MIS18BP1: variants seen among roughly 807,000 people sequenced by gnomAD.
The protein encoded by MIS18BP1 is MIS18 binding protein 1.
In MIS18BP1, 72 loss-of-function variants were observed where a neutral mutation model predicts 116.1. The observed-to-expected ratio is 0.62, with a 90% CI of 0.51 to 0.75. MIS18BP1 has a LOEUF of 0.75. MIS18BP1 is among the 30% of genes least tolerant of loss of function. The pLI is 0.00. For missense variants in MIS18BP1, 1,363 were observed against 1,303.2 expected, an observed-to-expected ratio of 1.05 and a Z score of -0.71; for synonymous variants, 386 against 427.0, an observed-to-expected ratio of 0.90 and a Z score of 1.18.
At chr14:45,239,411 AG>A (rs1891515492) in intron 4 of MIS18BP1, among the ~76,000 whole-genome samples, 1 of 152,240 alleles carries the variant, frequency 6.6e-6, no homozygotes, top group African/African-American at 2.4e-5. Flanking sequence ...AACTGAATAA[AG>A]TGAGCAATGA....
At chr14:45,205,304 T>TA (rs1890484311) in intron 15 of MIS18BP1, among the ~76,000 whole-genome samples, 1 of 152,056 alleles carries the variant, frequency 6.6e-6, no homozygotes, top group African/African-American at 2.4e-5. Context: ...CACACATGAA[T>TA]AAAATGGTAT....
chr14:45,232,085 T>C (rs1891293494), intron 7 of MIS18BP1, among the ~76,000 whole-genome samples: 1 of 152,194 alleles, frequency 6.6e-6, no homozygotes, highest in Non-Finnish European at 1.5e-5. Flanking sequence ...AAAATGTTAT[T>C]GCTTCTGAAA....
At chr14:45,211,481 A>T (rs1222045459) in intron 13 of MIS18BP1, among the ~76,000 whole-genome samples, 1 of 152,142 alleles carries the variant, frequency 6.6e-6, no homozygotes, top group East Asian at 1.9e-4. Context: ...CTGCATTCCA[A>T]ATCATTCTCT....
At chr14:45,235,049 C>T (rs1054207861) in intron 6 of MIS18BP1, among the ~76,000 whole-genome samples, 14 of 152,022 alleles carry the variant, frequency 9.2e-5, no homozygotes, top group African/African-American at 3.1e-4. Context: ...GACACCCTGT[C>T]TCAAAAATCA....
intron 6 of MIS18BP1, among the ~76,000 whole-genome samples, chr14:45,234,051 G>C (rs1229190690): frequency 6.6e-6 from 1 of 152,152 alleles, no homozygotes; most frequent in African/African-American, 2.4e-5. Flanking sequence ...GGAAGAGGCA[G>C]TCAGGCAGCA....
intron 12 of MIS18BP1, 34 bp downstream of exon 12, chr14:45,218,248 T>A (rs532225335): frequency 6.3e-7 from 1 of 1,596,280 alleles, no homozygotes; most frequent in Non-Finnish European, 8.6e-7. Flanking sequence ...CAACACTGAG[T>A]ACTAGGAAAA....
intron 1 of MIS18BP1, among the ~76,000 whole-genome samples, chr14:45,250,486 G>A (rs1284536883): frequency 6.6e-6 from 1 of 152,206 alleles, no homozygotes; most frequent in Non-Finnish European, 1.5e-5. Flanking sequence ...GCAAGTGGAG[G>A]AAAGAACGCC....
At chr14:45,212,695 T>G (rs1890708141) in intron 13 of MIS18BP1, among the ~76,000 whole-genome samples, 1 of 152,180 alleles carries the variant, frequency 6.6e-6, no homozygotes, top group Non-Finnish European at 1.5e-5. Flanking sequence ...TATGACCTCC[T>G]AAGGACATCC....
intron 14 of MIS18BP1, among the ~76,000 whole-genome samples, chr14:45,209,665 T>G (rs1890622413): frequency 6.6e-6 from 1 of 152,204 alleles, no homozygotes; most frequent in South Asian, 2.1e-4. Flanking sequence ...TTCATTTAAT[T>G]AGTCCCTACT....
intron 5 of MIS18BP1, among the ~76,000 whole-genome samples, chr14:45,236,154 C>A (rs1189598781): frequency 6.6e-6 from 1 of 152,160 alleles, no homozygotes; most frequent in African/African-American, 2.4e-5. Context: ...GTGGCCAAAC[C>A]ATGTCCCTCC....
At chr14:45,225,910 G>A (rs1217224229) in intron 10 of MIS18BP1, among the ~76,000 whole-genome samples, 1 of 152,134 alleles carries the variant, frequency 6.6e-6, no homozygotes, top group Non-Finnish European at 1.5e-5. Flanking sequence ...GAATGCTGGG[G>A]AGAAAAGAAG....
At chr14:45,204,606 A>C (rs1298804274) in intron 15 of MIS18BP1, among the ~76,000 whole-genome samples, 153 bp from the exon 16 acceptor site, 2 of 152,090 alleles carry the variant, frequency 1.3e-5, no homozygotes, top group African/African-American at 4.8e-5. Context: ...GAAATGCATA[A>C]TTCTCTTTTG....
chr14:45,246,596 T>A (rs1182708073), intron 2 of MIS18BP1, 147 bp downstream of exon 2: 4 of 555,098 alleles, frequency 7.2e-6, no homozygotes, highest in African/African-American at 3.9e-5. Flanking sequence ...ATGTTAATTA[T>A]GTCTTCCCAC....
chr14:45,228,077 C>T (rs1242359826), intron 8 of MIS18BP1, among the ~76,000 whole-genome samples: 2 of 152,072 alleles, frequency 1.3e-5, no homozygotes, highest in Non-Finnish European at 2.9e-5. Flanking sequence ...GTGGGAGGAT[C>T]ACTTGAGCCA....
chr14:45,227,367 C>T (rs1555371507), intron 9 of MIS18BP1, among the ~76,000 whole-genome samples: 3 of 151,790 alleles, frequency 2.0e-5, no homozygotes, highest in African/African-American at 4.8e-5. Flanking sequence ...ATTAGCCAGG[C>T]GTGGTGGTGC....
intron 13 of MIS18BP1, among the ~76,000 whole-genome samples, chr14:45,213,113 A>C (rs1890720895): frequency 6.6e-6 from 1 of 152,220 alleles, no homozygotes; most frequent in South Asian, 2.1e-4. Flanking sequence ...TATATTGCCC[A>C]GGCTGGTCTT....
intron 15 of MIS18BP1, among the ~76,000 whole-genome samples, 198 bp from the exon 16 acceptor site, chr14:45,204,651 T>G (rs1890461819): frequency 6.6e-6 from 1 of 152,126 alleles, no homozygotes. Flanking sequence ...ACTTACTCAA[T>G]GTTGTTTCCC....
intron 15 of MIS18BP1, among the ~76,000 whole-genome samples, chr14:45,205,549 T>C (rs910950147): frequency 3.3e-5 from 5 of 152,176 alleles, no homozygotes; most frequent in Non-Finnish European, 5.9e-5. Context: ...CTAAGGGATA[T>C]AGATCATTCT....
intron 13 of MIS18BP1, among the ~76,000 whole-genome samples, chr14:45,210,927 A>C (rs775545872): frequency 1.3e-5 from 2 of 152,222 alleles, no homozygotes; most frequent in Non-Finnish European, 2.9e-5. Flanking sequence ...AGGCCACCCA[A>C]GAGATGGCTT....
Sources: allele counts gnomAD v4.1 joint callset (sites outside exome capture counted in the v4.1 genomes callset), GRCh38; gene constraint gnomAD v4.1.1; transcripts MANE v1.5; gene names NCBI Gene and HGNC (gene_info 2026-07-23, HGNC 2026-07-21).